The following WNT7A variants were observed in gnomAD, a reference collection of about 807,000 sequenced individuals.
WNT7A encodes protein Wnt-7a.
Under a neutral mutation model 28.2 loss-of-function variants are expected in WNT7A, and 16 were observed. The ratio of observed to expected loss-of-function variants is 0.57; its 90% confidence interval spans 0.38 to 0.86. The LOEUF is 0.86. Ranked by LOEUF, WNT7A falls within the 40% of genes least tolerant of loss-of-function variation. The pLI, the probability that WNT7A is intolerant of heterozygous loss-of-function variation, is 0.00. For missense variants in WNT7A, 411 were observed against 489.7 expected (o/e 0.84, Z 1.52); for synonymous variants, 190 against 195.9 (o/e 0.97, Z 0.25).
chr3:13,875,250 AGCACTGGCCACCC>A, intron 1 of WNT7A, 77 bp from the exon 2 acceptor site: 2 of 1,483,140 alleles, frequency 1.3e-6, no homozygotes, highest in South Asian at 2.3e-5. Flanking sequence ...GTAGGTGTCC[AGCACTGGCCACCC>A]CACTGCCCCC....
In WNT7A at chr3:13,816,986, T is replaced by A. The variant is rs368711605; in HGVS notation, c.*1958A>T. On this transcript the variant is annotated 3_prime_UTR_variant, in exon 4 of 4. Transcript: ENST00000285018. ...TCCAAGGGAAGAAACCATGCAACCA[T>A]CCAGTCACTTTTATTTGCCCATGCT... The A allele has an allele frequency of 7.2e-5, 11 of 152,066 alleles. No homozygotes were observed. Among genetic ancestry groups the A allele is most frequent in the African/African-American group, 2.4e-4 (10 of 41,354 alleles). 9.4% of individuals were successfully genotyped at this position (152,066 alleles called of 1,614,324 possible). A position where few individuals can be genotyped will look rare whatever the true frequency, so the allele number is the denominator to read the frequency against.
Position 13,819,349 on chromosome 3 carries a change from C to A in WNT7A, c.645G>T (p.Trp215Cys). The A allele has an allele frequency of 1.2e-6, 2 of 1,613,460 alleles. No homozygotes were observed. The highest frequency in any genetic ancestry group is 1.7e-6 in the Non-Finnish European group (2 of 1,179,662). ...GCTCCCGAAACTGTGGCAGTGTGGTCCAGCACGTCTTGGTGGTGCACGAGC... is the reference window on the plus strand; with the variant it reads ...GCTCCCGAAACTGTGGCAGTGTGGTACAGCACGTCTTGGTGGTGCACGAGC... ...VSGSCTTKTC[W>C]TTLPQFRELG... Residue 215 changes from tryptophan to cysteine, a missense_variant, in exon 4 of 4, where the codon TGG becomes TGT. Trp to Cys is a radical substitution (Grantham distance 215). Coordinates refer to ENST00000285018, the MANE Select transcript of WNT7A (RefSeq NM_004625.4).
intron 3 of WNT7A, among the ~76,000 whole-genome samples, chr3:13,838,557 AGGGCTGC>A (rs562771485): frequency 2.4e-4 from 37 of 152,344 alleles, no homozygotes; most frequent in African/African-American, 3.4e-4. Context: ...AAACCATCTC[AGGGCTGC>A]TGTTGGGGCT....
At chr3:13,851,569 G>T (rs1030340746) in intron 3 of WNT7A, among the ~76,000 whole-genome samples, 4 of 152,132 alleles carry the variant, frequency 2.6e-5, no homozygotes, top group African/African-American at 9.7e-5. Context: ...TCTGTATCAC[G>T]TTTCTCCTAC....
At chr3:13,854,458 C>T in intron 3 of WNT7A, 74 bp downstream of exon 3, 5 of 1,607,972 alleles carry the variant, frequency 3.1e-6, no homozygotes, top group Non-Finnish European at 4.2e-6. Context: ...AGACACCCAG[C>T]ACCAGATGTT....
intron 3 of WNT7A, among the ~76,000 whole-genome samples, chr3:13,840,065 C>T (rs760437788): frequency 5.9e-5 from 9 of 152,244 alleles, no homozygotes; most frequent in Non-Finnish European, 1.0e-4. Context: ...ACACATCTCT[C>T]TGTGACCTCC....
chr3:13,874,880 A>C (rs1305081599), intron 2 of WNT7A, 67 bp downstream of exon 2: 3 of 1,524,850 alleles, frequency 2.0e-6, no homozygotes, highest in Non-Finnish European at 2.7e-6. Context: ...TCCAGAGGGC[A>C]CCTGAGGGTA....
intron 3 of WNT7A, among the ~76,000 whole-genome samples, chr3:13,846,323 T>C (rs774408775): frequency 5.3e-5 from 8 of 152,202 alleles, no homozygotes; most frequent in Non-Finnish European, 1.2e-4. Context: ...ATCAGGAGAC[T>C]GTGGGGATAA....
At chr3:13,868,785 G>GGAAGGGAGC in intron 2 of WNT7A, among the ~76,000 whole-genome samples, 1 of 13,292 alleles carries the variant, frequency 7.5e-5, no homozygotes, top group Non-Finnish European at 1.9e-4. Context: ...AGGGAGGAAG[G>GGAAGGGAGC]AAGGAAGGGA....
chr3:13,868,826 AAGAG>A (rs150794926), intron 2 of WNT7A, among the ~76,000 whole-genome samples: 1 of 98,400 alleles, frequency 1.0e-5, no homozygotes, highest in Non-Finnish European at 2.0e-5. Flanking sequence ...GAGAGAGAGA[AAGAG>A]AGAAAGAGAG....
At chr3:13,848,437 A>G (rs1277534785) in intron 3 of WNT7A, among the ~76,000 whole-genome samples, 1 of 152,246 alleles carries the variant, frequency 6.6e-6, no homozygotes, top group Non-Finnish European at 1.5e-5. Context: ...CAGATGCTAC[A>G]CTGAAAAGGC....
chr3:13,868,943 A>G (rs1485921601), intron 2 of WNT7A, among the ~76,000 whole-genome samples: 5 of 138,890 alleles, frequency 3.6e-5, no homozygotes, highest in African/African-American at 1.4e-4. Flanking sequence ...AGGAAGGAAA[A>G]GAGAGAGAAT....
chr3:13,827,859 C>T (rs1196162123), intron 3 of WNT7A, among the ~76,000 whole-genome samples: 1 of 152,154 alleles, frequency 6.6e-6, no homozygotes, highest in Non-Finnish European at 1.5e-5. Context: ...ACTGGGCGCT[C>T]CAGGATCGAT....
intron 3 of WNT7A, among the ~76,000 whole-genome samples, chr3:13,838,767 G>A (rs1015595064): frequency 6.6e-6 from 1 of 152,206 alleles, no homozygotes; most frequent in Non-Finnish European, 1.5e-5. Flanking sequence ...CTCGGATTCT[G>A]TAGGTATGGA....
chr3:13,858,941 G>A (rs1282712012), intron 2 of WNT7A, among the ~76,000 whole-genome samples: 1 of 152,154 alleles, frequency 6.6e-6, no homozygotes, highest in African/African-American at 2.4e-5. Context: ...CTAACGTCAG[G>A]GCTGTTAACC....
intron 3 of WNT7A, among the ~76,000 whole-genome samples, chr3:13,847,798 G>A (rs1339623772): frequency 6.6e-6 from 1 of 151,906 alleles, no homozygotes; most frequent in East Asian, 1.9e-4. Flanking sequence ...GGTGCCAGGG[G>A]CTGGGGTGGG....
intron 2 of WNT7A, among the ~76,000 whole-genome samples, chr3:13,872,693 C>T (rs1267275527): frequency 6.6e-6 from 1 of 152,186 alleles, no homozygotes; most frequent in Non-Finnish European, 1.5e-5. Flanking sequence ...CCTCCTCAGC[C>T]TCTCTTCTAC....
At chr3:13,823,437 C>T (rs925288063) in intron 3 of WNT7A, among the ~76,000 whole-genome samples, 1 of 152,138 alleles carries the variant, frequency 6.6e-6, no homozygotes, top group Non-Finnish European at 1.5e-5. Flanking sequence ...AGCAGTATGC[C>T]CCAGGCCCGA....
intron 3 of WNT7A, among the ~76,000 whole-genome samples, chr3:13,823,110 C>A (rs1694138732): frequency 6.6e-6 from 1 of 152,220 alleles, no homozygotes; most frequent in Admixed American, 6.5e-5. Flanking sequence ...CTGGCCAGGG[C>A]TGGTCACCAG....
Sources: gnomAD v4.1 joint callset for allele counts (sites outside exome capture counted in the v4.1 genomes callset) on GRCh38, gnomAD v4.1.1 for gene constraint, MANE v1.5 for transcripts, NCBI Gene and HGNC (gene_info 2026-07-23, HGNC 2026-07-21) for gene names.